Variants in CPZ observed in about 807,000 individuals in gnomAD.
CPZ encodes the protein VEZT/CPZ fusion.
CPZ carries 103 observed loss-of-function variants against 61.8 expected under a neutral mutation model. The observed-to-expected ratio is 1.67, with a 90% confidence interval of 1.42 to 1.96. The LOEUF (loss-of-function observed/expected upper bound fraction) is 1.96. CPZ is among the 30% of genes most tolerant of loss of function. CPZ has a pLI of 0.00. For synonymous variants in CPZ, 551 were observed against 373.7 expected (o/e 1.47, Z -5.47); for missense variants, 1,461 against 914.9 (o/e 1.60, Z -7.70).
chr4:8,606,831 G>C lies in CPZ; in HGVS notation c.1001G>C (p.Arg334Pro). 6.2e-7 allele frequency: 1 copy of C among 1,613,872 alleles called. No individual in the cohort carries two copies. Among genetic ancestry groups the C allele is most frequent in the East Asian group, 2.2e-5 (1 of 44,878 alleles). Residue 334 changes from arginine to proline, a missense_variant, in exon 6 of 11, where the codon CGG (arginine) becomes CCG (proline). Coordinates refer to ENST00000360986, the MANE Select transcript of CPZ (RefSeq NM_001014447.3). Reference protein sequence around the residue: ...NFPDLTSEYYRLAETRGARSD... With the variant: ...NFPDLTSEYYPLAETRGARSD... ...CCGGACCTGACGTCCGAGTACTACC[G>C]GCTGGCGGAGACCCGCGGCGCACGC...
rs113477164 is a variant in CPZ, at chr4:8,606,569, C to T, written c.907-168C>T. On this transcript the variant is annotated intron_variant, in intron 5 of 10. Transcript: ENST00000360986. ...AGGCTGTGACATCAGCAAGGAGCCC[C>T]GGGGTGGAGAGGAGGCCAAGGGTCA... is the stretch of plus-strand genomic sequence containing the variant. Among the ~76,000 whole-genome samples, 10 of 152,192 alleles carry T rather than the reference C, an allele frequency of 6.6e-5. 1 individual carries two copies. Among genetic ancestry groups the T allele is most frequent in the African/African-American group, 2.2e-4 (9 of 41,558 alleles).
intron 2 of CPZ, 117 bp from the exon 3 acceptor site, chr4:8,601,006 C>T (rs1044418165): frequency 1.6e-5 from 23 of 1,429,692 alleles, no homozygotes; most frequent in Middle Eastern, 2.6e-4. Flanking sequence ...CCTGCCAGAC[C>T]GTGGGTGCCC....
intron 1 of CPZ, among the ~76,000 whole-genome samples, chr4:8,594,430 G>A: frequency 6.6e-6 from 1 of 152,200 alleles, no homozygotes; most frequent in Non-Finnish European, 1.5e-5. Flanking sequence ...GGGGACGGAG[G>A]TAATTTTCAT....
rs139520158 is a variant in CPZ at position 8,619,385 on chromosome 4, G to A, written c.1727G>A (p.Arg576His). Residue 576 changes from arginine to histidine, a missense_variant, in exon 11 of 11, where the codon CGT becomes CAT. Coordinates refer to ENST00000360986, the MANE Select transcript of CPZ (RefSeq NM_001014447.3). ...CCCGCCCGGATGAAGAGGGCTGGCCGTGTGGACTTCATTCTGCAACCTCTG... is the reference window on the plus strand; with the variant it reads ...CCCGCCCGGATGAAGAGGGCTGGCCATGTGGACTTCATTCTGCAACCTCTG... ...IIPARMKRAG[R>H]VDFILQPLGM... The A allele has an allele frequency of 2.2e-4, 351 of 1,614,174 alleles. No individual in the cohort carries two copies. Among genetic ancestry groups the A allele is most frequent in the African/African-American group, 1.6e-3 (122 of 75,066 alleles).
chr4:8,618,516 G>C lies in CPZ; in HGVS notation c.1591G>C (p.Asp531His), dbSNP rs751421093. Reference protein sequence around the residue: ...ARISVKGIRHDITTAPDGDYW... With the variant: ...ARISVKGIRHHITTAPDGDYW... Reference sequence around the variant, plus strand: ...GATCTCAGTCAAAGGCATTCGCCACGACATCACCACAGGTGAGCACGTCCC... The same window carrying C: ...GATCTCAGTCAAAGGCATTCGCCACCACATCACCACAGGTGAGCACGTCCC... Residue 531 changes from aspartate (D) to histidine (H), a missense_variant, in exon 10 of 11, where the codon GAC becomes CAC. Asp to His is a moderately conservative substitution (Grantham distance 81). Coordinates refer to ENST00000360986, the MANE Select transcript of CPZ (RefSeq NM_001014447.3). The C allele has an allele frequency of 6.2e-7, 1 of 1,613,756 alleles. No individual in the cohort carries two copies. Among genetic ancestry groups the C allele is most frequent in the Non-Finnish European group, 8.5e-7 (1 of 1,179,990 alleles).
intron 4 of CPZ, among the ~76,000 whole-genome samples, chr4:8,605,350 T>TCCATC (rs869174559): frequency 4.7e-5 from 1 of 21,410 alleles, no homozygotes; most frequent in African/African-American, 1.5e-4. Flanking sequence ...ATCCATCCAT[T>TCCATC]TATTCATTCA....
intron 9 of CPZ, among the ~76,000 whole-genome samples, chr4:8,617,149 G>T (rs116549595): frequency 6.6e-6 from 1 of 152,246 alleles, no homozygotes; most frequent in Non-Finnish European, 1.5e-5. Context: ...TGTCAGGCCA[G>T]TCGGTTTCTG....
intron 8 of CPZ, among the ~76,000 whole-genome samples, chr4:8,614,000 G>A (rs1715935523): frequency 2.6e-5 from 4 of 152,364 alleles, no homozygotes; most frequent in Admixed American, 2.6e-4. Context: ...GACAGCATGG[G>A]GGTGGGGAAG....
intron 7 of CPZ, among the ~76,000 whole-genome samples, chr4:8,610,045 TCCTG>T (rs1715520258): frequency 6.6e-6 from 1 of 152,184 alleles, no homozygotes; most frequent in Non-Finnish European, 1.5e-5. Context: ...TCATGCTGTG[TCCTG>T]CCTGCCAACC....
At position 8,617,438 on chromosome 4, in the gene CPZ, C is replaced by A. The variant is rs560652457; in HGVS notation, c.1504-991C>A. Reference sequence around the variant, plus strand: ...GGGCTGCTTCCTGACCCTGTGGGCCCAGGCTCTTTGCTTCTGTGGACTCCT... The same window carrying A: ...GGGCTGCTTCCTGACCCTGTGGGCCAAGGCTCTTTGCTTCTGTGGACTCCT... On this transcript the variant is annotated intron_variant, in intron 9 of 10. Transcript: ENST00000360986. 3.3e-5 allele frequency among the ~76,000 whole-genome samples: 5 copies of A among 152,366 alleles called. No individual in the cohort carries two copies. The East Asian group carries it at 9.6e-4, about 29-fold the overall frequency.
At position 8,592,900 on chromosome 4, in the gene CPZ, G is replaced by C; in HGVS notation, c.67G>C (p.Glu23Gln). Residue 23 changes from glutamate (E) to glutamine (Q), a missense_variant, in exon 1 of 11, where the codon GAG becomes CAG. Coordinates refer to ENST00000360986, the MANE Select transcript of CPZ (RefSeq NM_001014447.3). ...CGTCGCCGCTGCCCGGCCGGGGTGCGAGTTTGAGCGGAACCCCGCCGGTAA... is the reference window on the plus strand; with the variant it reads ...CGTCGCCGCTGCCCGGCCGGGGTGCCAGTTTGAGCGGAACCCCGCCGGTAA... ...LVVAAARPGC[E>Q]FERNPAGECH... 1.3e-6 allele frequency: 2 copies of C among 1,535,086 alleles called. No individual in the cohort carries two copies. Among genetic ancestry groups the C allele is most frequent in the Non-Finnish European group, 1.7e-6 (2 of 1,144,224 alleles).
chr4:8,614,534 G>A, intron 9 of CPZ, 36 bp downstream of exon 9: 8 of 1,602,696 alleles, frequency 5.0e-6, no homozygotes, highest in Non-Finnish European at 6.8e-6. Context: ...TGGTCCAGCT[G>A]TGGCCTGGGT....
chr4:8,606,598 A>C (rs1352455119), intron 5 of CPZ, 139 bp from the exon 6 acceptor site: 2 of 1,085,246 alleles, frequency 1.8e-6, no homozygotes, highest in Non-Finnish European at 2.8e-6. Context: ...AGGGTCAGGC[A>C]TGCCCCCGAG....
intron 8 of CPZ, among the ~76,000 whole-genome samples, chr4:8,614,004 G>C (rs1715935845): frequency 6.6e-6 from 1 of 152,230 alleles, no homozygotes; most frequent in African/African-American, 2.4e-5. Flanking sequence ...GCATGGGGGT[G>C]GGGAAGCCTG....
chr4:8,611,151 CCTTT>C (rs1715641026), intron 7 of CPZ: 2 of 439,870 alleles, frequency 4.5e-6, no homozygotes, highest in African/African-American at 2.0e-5. Flanking sequence ...CTCCACTCCT[CCTTT>C]CTGACAGAGG....
Position 8,604,194 on chromosome 4 carries a change from T to C in CPZ, c.709+6T>C. 2 of 1,538,926 alleles carry C rather than the reference T, an allele frequency of 1.3e-6. No individual in the cohort carries two copies. Among genetic ancestry groups the C allele is most frequent in the Middle Eastern group, 2.0e-4 (1 of 4,922 alleles). Reference sequence around the variant, plus strand: ...CCCCGGCCAGCACGAGCTGAGTGAGTGCCCTTGGGAGAGCCTGGCCTGGCC... The same window carrying C: ...CCCCGGCCAGCACGAGCTGAGTGAGCGCCCTTGGGAGAGCCTGGCCTGGCC... On this transcript the variant is annotated splice_donor_region_variant and intron_variant, in intron 4 of 10. Transcript: ENST00000360986.
intron 1 of CPZ, 67 bp from the exon 2 acceptor site, chr4:8,599,386 C>T (rs982651481): frequency 5.6e-5 from 85 of 1,522,936 alleles, no homozygotes; most frequent in Middle Eastern, 4.2e-4. Flanking sequence ...GGGCCCTGGC[C>T]GTGTGTTGCC....
At position 8,619,245 on chromosome 4, in the gene CPZ, A is replaced by C; in HGVS notation, c.1604-17A>C. 1 of 1,586,602 alleles carries C rather than the reference A, an allele frequency of 6.3e-7. No individual in the cohort carries two copies. The highest frequency in any genetic ancestry group is 1.4e-5 in the African/African-American group (1 of 73,858). ...TGCAGTCCTCGTGAGAATCATTTTT[A>C]ATCTATTTGTCCACAGCCCCAGATG... is the stretch of plus-strand genomic sequence containing the variant. On this transcript the variant is annotated splice_polypyrimidine_tract_variant and intron_variant, in intron 10 of 10. Transcript: ENST00000360986.
chr4:8,609,114 ACT>A (rs1560297851), intron 7 of CPZ, among the ~76,000 whole-genome samples: 30 of 34,836 alleles, frequency 8.6e-4, no homozygotes, highest in Admixed American at 1.6e-3. Context: ...TCCCTTCCTC[ACT>A]CCCTCACTCA....
Sources: allele counts gnomAD v4.1 joint callset (sites outside exome capture counted in the v4.1 genomes callset), GRCh38; gene constraint gnomAD v4.1.1; transcripts MANE v1.5; gene names NCBI Gene and HGNC (gene_info 2026-07-23, HGNC 2026-07-21).